Variants in EPHA6 observed in about 807,000 individuals in gnomAD.
EPHA6 encodes the protein ephrin type-A receptor 6.
EPHA6 carries 50 observed loss-of-function variants against 112.0 expected under a neutral mutation model. The observed-to-expected ratio is 0.45, with a 90% CI of 0.36 to 0.56. The LOEUF is 0.56. Among genes scored for constraint, EPHA6 ranks in the 20% least tolerant of loss-of-function variants. The pLI is 0.00. For synonymous variants in EPHA6, 529 were observed against 490.7 expected, an observed-to-expected ratio of 1.08 and a Z score of -1.03; for missense variants, 1,280 against 1,417.4, an observed-to-expected ratio of 0.90 and a Z score of 1.56.
chr3:97,161,593 G>A (rs551000864), intron 3 of EPHA6, among the ~76,000 whole-genome samples: 22 of 152,240 alleles, frequency 1.4e-4, no homozygotes, highest in African/African-American at 5.1e-4. Flanking sequence ...ATCCAAAGAA[G>A]CCCACAAGGC....
intron 2 of EPHA6, among the ~76,000 whole-genome samples, chr3:96,898,874 A>G (rs555654122): frequency 6.8e-4 from 103 of 151,804 alleles, no homozygotes; most frequent in African/African-American, 2.4e-3. Flanking sequence ...CTAAAAATAC[A>G]AAAATTAGCC....
chr3:97,606,803 G>A (rs548815790), intron 12 of EPHA6, among the ~76,000 whole-genome samples: 6 of 151,158 alleles, frequency 4.0e-5, no homozygotes, highest in African/African-American at 1.2e-4. Context: ...GATTATAATT[G>A]TAATTCACTA....
chr3:97,522,104 G>T (rs918779540), intron 10 of EPHA6, among the ~76,000 whole-genome samples: 1 of 151,234 alleles, frequency 6.6e-6, no homozygotes, highest in Admixed American at 6.6e-5. Flanking sequence ...TTTTAAAATG[G>T]TCTTACTATG....
chr3:97,416,635 T>C (rs1179125533), intron 6 of EPHA6, among the ~76,000 whole-genome samples: 1 of 152,052 alleles, frequency 6.6e-6, no homozygotes, highest in Non-Finnish European at 1.5e-5. Flanking sequence ...ACACCATTTC[T>C]CTCCTCTTTC....
chr3:97,493,931 T>C (rs1276612836), intron 10 of EPHA6, among the ~76,000 whole-genome samples: 1 of 152,162 alleles, frequency 6.6e-6, no homozygotes, highest in Non-Finnish European at 1.5e-5. Flanking sequence ...ATAAAGATGG[T>C]ACAATTTCAG....
chr3:97,758,632 G>T lies in EPHA6; in HGVS notation c.*9931G>T, dbSNP rs1163319823. 1.3e-5 allele frequency among the ~76,000 whole-genome samples: 2 copies of T among 151,874 alleles called. No homozygotes were observed. Among genetic ancestry groups the T allele is most frequent in the Admixed American group, 1.3e-4 (2 of 15,238 alleles). ...ACACACAATGAAGAAATAGTGATGT[G>T]CTGTGCTTATAATTAAAAATGTTAC... On this transcript the variant is annotated 3_prime_UTR_variant, in exon 18 of 18. Coordinates refer to ENST00000389672, the MANE Select transcript of EPHA6 (RefSeq NM_001080448.3).
At chr3:97,180,187 A>G (rs1376720591) in intron 3 of EPHA6, among the ~76,000 whole-genome samples, 2 of 152,054 alleles carry the variant, frequency 1.3e-5, no homozygotes, top group East Asian at 1.9e-4. Flanking sequence ...TCAGGCCACA[A>G]GGAGTACCAC....
chr3:97,593,632 A>G (rs1343335739), intron 12 of EPHA6, among the ~76,000 whole-genome samples: 1 of 152,202 alleles, frequency 6.6e-6, no homozygotes, highest in Non-Finnish European at 1.5e-5. Flanking sequence ...AAGACTGGGA[A>G]ATCCAATAAA....
chr3:97,451,595 A>G (rs1271150990), intron 7 of EPHA6, among the ~76,000 whole-genome samples: 7 of 149,830 alleles, frequency 4.7e-5, no homozygotes, highest in Admixed American at 3.3e-4. Context: ...GGATCATTAA[A>G]AAAAAAAAAA....
At chr3:96,977,638 T>C (rs1193092590) in intron 2 of EPHA6, among the ~76,000 whole-genome samples, 1 of 152,144 alleles carries the variant, frequency 6.6e-6, no homozygotes, top group Non-Finnish European at 1.5e-5. Flanking sequence ...TACTTGAAAT[T>C]ATAACTAAAA....
chr3:97,509,947 C>A (rs2092333926), intron 10 of EPHA6, among the ~76,000 whole-genome samples: 1 of 152,104 alleles, frequency 6.6e-6, no homozygotes, highest in Non-Finnish European at 1.5e-5. Context: ...GATCTTTAAT[C>A]TCTGATATCT....
At chr3:97,589,980 T>C (rs1177635703) in intron 11 of EPHA6, among the ~76,000 whole-genome samples, 3 of 152,134 alleles carry the variant, frequency 2.0e-5, no homozygotes, top group Admixed American at 2.0e-4. Context: ...TAAAACTAAT[T>C]TATATCAAAC....
At chr3:97,709,471 T>A (rs1339001307) in intron 14 of EPHA6, among the ~76,000 whole-genome samples, 1 of 152,220 alleles carries the variant, frequency 6.6e-6, no homozygotes, top group African/African-American at 2.4e-5. Flanking sequence ...ACTAGCTTGT[T>A]TTTGATTTTA....
At chr3:97,570,389 G>T (rs1046793599) in intron 11 of EPHA6, among the ~76,000 whole-genome samples, 1 of 152,130 alleles carries the variant, frequency 6.6e-6, no homozygotes, top group African/African-American at 2.4e-5. Flanking sequence ...ACCTCAATCT[G>T]CCTTAAACAT....
At chr3:97,682,296 A>G (rs2031918725) in intron 14 of EPHA6, among the ~76,000 whole-genome samples, 1 of 152,116 alleles carries the variant, frequency 6.6e-6, no homozygotes, top group Non-Finnish European at 1.5e-5. Flanking sequence ...CAGGTTGAAG[A>G]TGAGTAGAGA....
intron 2 of EPHA6, among the ~76,000 whole-genome samples, chr3:96,944,290 C>CT (rs2041137225): frequency 1.3e-5 from 2 of 151,982 alleles, no homozygotes; most frequent in South Asian, 2.1e-4. Flanking sequence ...ATAGCCACCT[C>CT]TTTTTTTAAA....
intron 3 of EPHA6, among the ~76,000 whole-genome samples, chr3:97,201,668 T>C (rs893321130): frequency 1.3e-5 from 2 of 152,180 alleles, no homozygotes; most frequent in Non-Finnish European, 2.9e-5. Context: ...GTTAAATTTG[T>C]ATAACATTAA....
chr3:97,704,299 C>T (rs899525232), intron 14 of EPHA6, among the ~76,000 whole-genome samples: 14 of 152,186 alleles, frequency 9.2e-5, no homozygotes, highest in Middle Eastern at 3.2e-3. Flanking sequence ...GATCTGCCCT[C>T]ATCAACATGG....
intron 3 of EPHA6, among the ~76,000 whole-genome samples, chr3:97,005,139 C>A (rs1224773972): frequency 1.3e-5 from 2 of 151,850 alleles, no homozygotes; most frequent in Non-Finnish European, 2.9e-5. Context: ...GCTTTTTTTT[C>A]TAATTTTGTG....
Sources: gnomAD v4.1 joint callset for allele counts (sites outside exome capture counted in the v4.1 genomes callset) on GRCh38, gnomAD v4.1.1 for gene constraint, MANE v1.5 for transcripts, NCBI Gene and HGNC (gene_info 2026-07-23, HGNC 2026-07-21) for gene names.